The following SCAPER variants were observed in gnomAD, a reference collection of about 807,000 sequenced individuals.
SCAPER encodes S-phase cyclin A associated protein in the ER.
A neutral mutation model predicts 182.2 loss-of-function variants in SCAPER; 98 were observed. That is an observed-to-expected ratio of 0.54 (90% confidence interval 0.46 to 0.64). The LOEUF is 0.64. SCAPER is among the 30% of genes least tolerant of loss of function. The probability of loss-of-function intolerance (pLI) is 0.00; values close to 1 mark genes in which losing one functional copy is unlikely to be tolerated. For missense variants in SCAPER, 1,432 were observed against 1,690.0 expected (o/e 0.85, Z 2.68); for synonymous variants, 605 against 564.6 (o/e 1.07, Z -1.01).
intron 21 of SCAPER, among the ~76,000 whole-genome samples, chr15:76,644,324 T>C (rs1352135005): frequency 1.3e-5 from 2 of 152,286 alleles, no homozygotes; most frequent in East Asian, 3.9e-4. Flanking sequence ...ATTAATCTTT[T>C]TGTTTTGGGA....
At chr15:76,571,359 AT>A (rs530118855) in intron 23 of SCAPER, among the ~76,000 whole-genome samples, 1 of 152,140 alleles carries the variant, frequency 6.6e-6, no homozygotes, top group African/African-American at 2.4e-5. Context: ...GTGGCTTAAG[AT>A]TTTTTTTAAA....
chr15:76,519,092 C>A (rs148022944), intron 23 of SCAPER, among the ~76,000 whole-genome samples: 1 of 152,094 alleles, frequency 6.6e-6, no homozygotes, highest in Non-Finnish European at 1.5e-5. Flanking sequence ...GGAGGACACC[C>A]GACCATTAAA....
rs76953438 is a variant in SCAPER at position 76,618,517 on chromosome 15, C to T, written c.2711+3247G>A. Reference sequence around the variant, plus strand: ...GAATATTTACAGCAAACTTACTGTCCTGTGTCTTTTATCCAAGAGTATGAT... The same window carrying T: ...GAATATTTACAGCAAACTTACTGTCTTGTGTCTTTTATCCAAGAGTATGAT... On this transcript the variant is annotated intron_variant, in intron 22 of 31. Coordinates refer to ENST00000563290, the MANE Select transcript of SCAPER (RefSeq NM_020843.4). 4.8e-3 allele frequency among the ~76,000 whole-genome samples: 736 copies of T among 152,200 alleles called. 45 individuals are homozygous for T. The East Asian group carries it at 0.13, about 27-fold the overall frequency.
At chr15:76,553,572 C>T (rs992322990) in intron 23 of SCAPER, among the ~76,000 whole-genome samples, 6 of 152,154 alleles carry the variant, frequency 3.9e-5, no homozygotes, top group South Asian at 2.1e-4. Context: ...TGGCACAACC[C>T]GATGGAATAC....
chr15:76,448,704 AG>A (rs2048172949), intron 25 of SCAPER, among the ~76,000 whole-genome samples: 1 of 152,202 alleles, frequency 6.6e-6, no homozygotes, highest in Non-Finnish European at 1.5e-5. Context: ...GAAAGTCCAG[AG>A]GGAGATTTTC....
rs748276435 is a variant in SCAPER, at chr15:76,767,074, G to T, written c.1263C>A (p.Val421=). The part of the protein sequence containing the change: ...PSDISNSMAE[V]LAKKEELADR... The stretch of plus-strand genomic sequence containing the variant: ...CTGCTAGCTCTTCTTTTTTAGCAAG[G>T]ACTTCTGCCATGGACTATAAAGTTA... Residue 421 remains valine, a synonymous_variant, in exon 11 of 32, where the codon GTC becomes GTA. Transcript: ENST00000563290. The T allele has an allele frequency of 1.9e-6, 3 of 1,590,602 alleles. No homozygotes were observed. In the African/African-American group the frequency reaches 4.0e-5, roughly 21 times the overall value.
At chr15:76,715,554 G>GT (rs1255201820) in intron 17 of SCAPER, among the ~76,000 whole-genome samples, 1 of 152,092 alleles carries the variant, frequency 6.6e-6, no homozygotes. Flanking sequence ...AGATACAGCT[G>GT]TATCTTGCCA....
chr15:76,621,741 GAACT>G lies in SCAPER; in HGVS notation c.2711+19_2711+22del. Reference sequence around the variant, plus strand: ...TACAGGCATAGACTGAAGAAAAGGAGAACTAAAATGTGGAATACTCACTTTGCTT... The same window carrying G: ...TACAGGCATAGACTGAAGAAAAGGAGAAAATGTGGAATACTCACTTTGCTT... On this transcript the variant is annotated intron_variant, in intron 22 of 31. Transcript: ENST00000563290. 6.3e-7 allele frequency: 1 copy of G among 1,586,132 alleles called. No individual in the cohort carries two copies.
chr15:76,402,309 G>A (rs2044517547), intron 27 of SCAPER, among the ~76,000 whole-genome samples: 1 of 152,156 alleles, frequency 6.6e-6, no homozygotes, highest in Admixed American at 6.5e-5. Context: ...TACTGGAGGT[G>A]TTAAACTCCT....
At chr15:76,384,798 G>C (rs138761655) in intron 27 of SCAPER, among the ~76,000 whole-genome samples, 8 of 152,298 alleles carry the variant, frequency 5.3e-5, no homozygotes, top group African/African-American at 9.6e-5. Flanking sequence ...GTTTACTTTT[G>C]ATTTAGCTTG....
At chr15:76,876,094 G>A (rs1182215011) in intron 2 of SCAPER, among the ~76,000 whole-genome samples, 1 of 152,128 alleles carries the variant, frequency 6.6e-6, no homozygotes, top group African/African-American at 2.4e-5. Context: ...TCACTGCCCG[G>A]GGCCACTCCG....
intron 5 of SCAPER, among the ~76,000 whole-genome samples, chr15:76,821,449 T>C (rs909421939): frequency 6.6e-6 from 1 of 151,948 alleles, no homozygotes; most frequent in Non-Finnish European, 1.5e-5. Flanking sequence ...CAAAACTCCA[T>C]CTCTACAAAA....
intron 6 of SCAPER, among the ~76,000 whole-genome samples, chr15:76,801,306 T>A (rs111852863): frequency 4.7e-4 from 72 of 152,362 alleles, no homozygotes; most frequent in African/African-American, 1.6e-3. Flanking sequence ...CTTTAGTTTT[T>A]CCTTTTTAGT....
intron 5 of SCAPER, among the ~76,000 whole-genome samples, chr15:76,809,155 G>A (rs746400842): frequency 1.3e-5 from 2 of 152,090 alleles, no homozygotes; most frequent in Non-Finnish European, 2.9e-5. Flanking sequence ...CCTACAGAAG[G>A]CCAGTATGAC....
intron 5 of SCAPER, among the ~76,000 whole-genome samples, chr15:76,836,332 C>T (rs1225052759): frequency 6.6e-6 from 1 of 152,118 alleles, no homozygotes; most frequent in Non-Finnish European, 1.5e-5. Context: ...ACTACAAGGC[C>T]ATAGTAACCA....
chr15:76,555,664 G>A lies in SCAPER; in HGVS notation c.2838+18494C>T, dbSNP rs554320493. 2.5e-3 allele frequency among the ~76,000 whole-genome samples: 378 copies of A among 152,218 alleles called. 2 individuals are homozygous for A. The highest frequency in any genetic ancestry group is 3.9e-3 in the South Asian group (19 of 4,820). Reference sequence around the variant, plus strand: ...AAGAAGGGCATACATAATAGTAAAGGATTCAATTCAACAAGAAGACTTAAC... The same window carrying A: ...AAGAAGGGCATACATAATAGTAAAGAATTCAATTCAACAAGAAGACTTAAC... On this transcript the variant is annotated intron_variant, in intron 23 of 31. Coordinates refer to ENST00000563290, the MANE Select transcript of SCAPER (RefSeq NM_020843.4).
rs2073869854 is a variant in SCAPER at position 76,886,890 on chromosome 15, T to G, written c.-59-3014A>C. Among the ~76,000 whole-genome samples, 4 of 152,178 alleles carry G rather than the reference T, an allele frequency of 2.6e-5. No homozygotes were observed. The South Asian group carries it at 8.3e-4, about 32-fold the overall frequency. ...CTAGAGGCCATCATCCTTAGCAAAC[T>G]AATGCAGGAACAGAAAACCAAACAC... On this transcript the variant is annotated intron_variant, in intron 1 of 31. Coordinates refer to ENST00000563290, the MANE Select transcript of SCAPER (RefSeq NM_020843.4).
At chr15:76,708,186 A>G (rs1032053062) in intron 17 of SCAPER, among the ~76,000 whole-genome samples, 1 of 152,114 alleles carries the variant, frequency 6.6e-6, no homozygotes, top group Non-Finnish European at 1.5e-5. Context: ...ATTACTTATA[A>G]TACCTAATAC....
intron 23 of SCAPER, among the ~76,000 whole-genome samples, chr15:76,508,093 G>C (rs189849465): frequency 6.6e-6 from 1 of 151,920 alleles, no homozygotes; most frequent in Non-Finnish European, 1.5e-5. Flanking sequence ...TCTCTTCCTT[G>C]TCCCAAAATG....
Sources: gnomAD v4.1 joint callset for allele counts (sites outside exome capture counted in the v4.1 genomes callset) on GRCh38, gnomAD v4.1.1 for gene constraint, MANE v1.5 for transcripts, NCBI Gene and HGNC (gene_info 2026-07-23, HGNC 2026-07-21) for gene names.